Variants in FMO1 observed in about 807,000 individuals in gnomAD.
The protein encoded by FMO1 is flavin containing dimethylaniline monoxygenase 1.
FMO1 carries 36 observed loss-of-function variants against 45.4 expected under a neutral mutation model. The observed-to-expected ratio is 0.79, with a 90% CI of 0.61 to 1.05. The LOEUF (loss-of-function observed/expected upper bound fraction) is 1.05. Ranked by LOEUF, FMO1 falls within the 50% of genes least tolerant of loss-of-function variation. The pLI, the probability that FMO1 is intolerant of heterozygous loss-of-function variation, is 0.00. For missense variants in FMO1, 615 were observed against 640.3 expected (o/e 0.96, Z 0.43); for synonymous variants, 228 against 227.2 (o/e 1.00, Z -0.03).
chr1:171,249,538 G>A (rs1033482376), intron 1 of FMO1, among the ~76,000 whole-genome samples: 1 of 152,180 alleles, frequency 6.6e-6, no homozygotes, highest in African/African-American at 2.4e-5. Context: ...CAGGGGCTAA[G>A]TAGGCACCTT....
In FMO1 at chr1:171,279,279, T is replaced by C. The variant is rs150990384; in HGVS notation, c.627+408T>C. ...TCCATGCTACCTCACACTGAGGATA[T>C]TGCATTGTCCTCCTAATAATAGTTG... On this transcript the variant is annotated intron_variant, in intron 5 of 8. Coordinates refer to ENST00000617670, the MANE Select transcript of FMO1 (RefSeq NM_001282693.2). Among the ~76,000 whole-genome samples, 60 of 152,272 alleles carry C rather than the reference T, an allele frequency of 3.9e-4. No homozygotes were observed. The East Asian group carries it at 0.01, about 26-fold the overall frequency.
chr1:171,276,400 A>G (rs1661107761), intron 4 of FMO1, among the ~76,000 whole-genome samples: 1 of 152,214 alleles, frequency 6.6e-6, no homozygotes, highest in Non-Finnish European at 1.5e-5. Flanking sequence ...ATTATTTTTC[A>G]GCAATTCTGA....
chr1:171,267,809 G>C, intron 3 of FMO1, 78 bp downstream of exon 3: 1 of 1,146,936 alleles, frequency 8.7e-7, no homozygotes, highest in Non-Finnish European at 1.3e-6. Context: ...CTAGCCCTGG[G>C]CTCTGTAGAT....
At chr1:171,267,432 A>T in intron 2 of FMO1, 111 bp from the exon 3 acceptor site, 1 of 660,982 alleles carries the variant, frequency 1.5e-6, no homozygotes. Flanking sequence ...ATGTATTTCT[A>T]TATTCTCCTG....
chr1:171,285,218 T>C lies in FMO1; in HGVS notation c.1273T>C (p.Cys425Arg), dbSNP rs200900910. 6 of 1,606,130 alleles carry C rather than the reference T, an allele frequency of 3.7e-6. No individual in the cohort carries two copies. In the Admixed American group the frequency reaches 5.1e-5, roughly 14 times the overall value. Residue 425 changes from cysteine (C) to arginine (R), a missense_variant, in exon 9 of 9, where the codon TGC becomes CGC. Physicochemically the swap from Cys to Arg is radical, Grantham distance 180. Coordinates refer to ENST00000617670, the MANE Select transcript of FMO1 (RefSeq NM_001282693.2). ...TTTATAAAGGTTTGGCTTGTGCTAC[T>C]GCAAGGCTTTACAATCAGATTATAT... ...NKPSWFGLCY[C>R]KALQSDYITY...
chr1:171,265,492 G>C (rs1029649923), intron 2 of FMO1, among the ~76,000 whole-genome samples: 17 of 151,038 alleles, frequency 1.1e-4, no homozygotes, highest in African/African-American at 4.1e-4. Flanking sequence ...GAAATTTATA[G>C]AGTCAGAAAT....
chr1:171,281,076 A>C, intron 6 of FMO1, 91 bp downstream of exon 6: 7 of 969,778 alleles, frequency 7.2e-6, no homozygotes, highest in Non-Finnish European at 1.1e-5. Flanking sequence ...CCACAGCAAC[A>C]TGGCTGAATG....
Position 171,275,482 on chromosome 1 carries a change from C to T in FMO1, c.458C>T (p.Pro153Leu), listed in dbSNP as rs752956499. The part of the protein sequence containing the change: ...VMVCTGFLTN[P>L]YLPLDSFPGI... The stretch of plus-strand genomic sequence containing the variant: ...GTCTGCACTGGCTTTCTTACTAATC[C>T]TTATTTGCCACTGGATTCCTTTCCA... Residue 153 changes from proline (P) to leucine (L), a missense_variant, in exon 4 of 9, where the codon CCT (proline) becomes CTT (leucine). Pro to Leu is a moderately conservative substitution (Grantham distance 98). Transcript: ENST00000617670. 7 of 1,611,832 alleles carry T rather than the reference C, an allele frequency of 4.3e-6. No homozygotes were observed. Among genetic ancestry groups the T allele is most frequent in the East Asian group, 2.2e-5 (1 of 44,782 alleles).
chr1:171,271,145 C>A (rs1660845946), intron 3 of FMO1: 4 of 880,672 alleles, frequency 4.5e-6, no homozygotes, highest in Admixed American at 1.8e-5. Flanking sequence ...TTTAGCTTTG[C>A]AGCCTTCTTT....
chr1:171,273,892 G>A lies in FMO1; in HGVS notation c.322-1454G>A, dbSNP rs567792202. Among the ~76,000 whole-genome samples, 3 of 152,252 alleles carry A rather than the reference G, an allele frequency of 2.0e-5. No homozygotes were observed. The South Asian group carries it at 6.2e-4, about 32-fold the overall frequency. On this transcript the variant is annotated intron_variant, in intron 3 of 8. Coordinates refer to ENST00000617670, the MANE Select transcript of FMO1 (RefSeq NM_001282693.2). ...TTAAAAAGTAAACACAAGGCCAGGT[G>A]CAGTGGCCCACACCTGTAATCCCAG...
At chr1:171,275,204 C>A in intron 3 of FMO1, 142 bp from the exon 4 acceptor site, 1 of 591,186 alleles carries the variant, frequency 1.7e-6, no homozygotes, top group Non-Finnish European at 2.8e-6. Flanking sequence ...AGTCCGGTAA[C>A]CTGATTAGGT....
chr1:171,264,508 A>T (rs1660523307), intron 2 of FMO1, among the ~76,000 whole-genome samples: 2 of 152,144 alleles, frequency 1.3e-5, no homozygotes, highest in South Asian at 4.1e-4. Context: ...TTTATGTGGC[A>T]TCTATACATC....
In FMO1 at chr1:171,280,848, A is replaced by C. The variant is rs144176824; in HGVS notation, c.690A>C (p.Pro230=). The C allele has an allele frequency of 1.2e-6, 2 of 1,613,898 alleles. No individual in the cohort carries two copies. Among genetic ancestry groups the C allele is most frequent in the Admixed American group, 3.3e-5 (2 of 60,002 alleles). The part of the protein sequence containing the change: ...VISRIFDSGY[P]WDMVFMTRFQ... Reference sequence around the variant, plus strand: ...GCCGAATCTTTGACTCGGGCTACCCATGGGACATGGTGTTCATGACACGCT... The same window carrying C: ...GCCGAATCTTTGACTCGGGCTACCCCTGGGACATGGTGTTCATGACACGCT... The change falls in exon 6 of 9, where the codon CCA becomes CCC. Residue 230 remains proline (P), a synonymous_variant. Transcript: ENST00000617670.
At chr1:171,253,157 T>G (rs1379072626) in intron 1 of FMO1, among the ~76,000 whole-genome samples, 1 of 152,186 alleles carries the variant, frequency 6.6e-6, no homozygotes, top group Non-Finnish European at 1.5e-5. Flanking sequence ...CTTTGTGTCC[T>G]TTTTTCTTTC....
intron 3 of FMO1, among the ~76,000 whole-genome samples, chr1:171,271,877 T>G: frequency 6.6e-6 from 1 of 152,228 alleles, no homozygotes; most frequent in East Asian, 1.9e-4. Context: ...GACAATGCAA[T>G]AGAAAAGAAA....
chr1:171,267,454 G>A (rs1660662927), intron 2 of FMO1, 89 bp from the exon 3 acceptor site: 2 of 810,988 alleles, frequency 2.5e-6, no homozygotes, highest in Non-Finnish European at 3.9e-6. Flanking sequence ...GCTTGGCAAT[G>A]ATACTGTGTG....
At chr1:171,260,987 T>C (rs1389997082) in intron 2 of FMO1, among the ~76,000 whole-genome samples, 2 of 145,582 alleles carry the variant, frequency 1.4e-5, no homozygotes, top group Non-Finnish European at 3.0e-5. Flanking sequence ...AAGAGGAATA[T>C]CAAGCAGTAG....
In FMO1 at chr1:171,285,161, T is replaced by A. The variant is rs758086355; in HGVS notation, c.1257-41T>A. ...TGTACTTGTTCTAAGATTATCAGTT[T>A]TTTTGTCTTCACCTTTTCCCCCAAT... On this transcript the variant is annotated intron_variant, in intron 8 of 8. Coordinates refer to ENST00000617670, the MANE Select transcript of FMO1 (RefSeq NM_001282693.2). The A allele has an allele frequency of 1.5e-5, 20 of 1,357,900 alleles. No homozygotes were observed. In the South Asian group the frequency reaches 2.7e-4, roughly 19 times the overall value. 84.1% of individuals were successfully genotyped at this position (1,357,900 alleles called of 1,614,324 possible). A position where few individuals can be genotyped will look rare whatever the true frequency, so the allele number is the denominator to read the frequency against.
intron 4 of FMO1, 117 bp downstream of exon 4, chr1:171,275,625 G>A (rs975691698): frequency 8.6e-6 from 6 of 700,382 alleles, no homozygotes; most frequent in African/African-American, 5.5e-5. Flanking sequence ...TTGGGAGGTA[G>A]GAGGAGGCTT....
Sources: allele counts gnomAD v4.1 joint callset (sites outside exome capture counted in the v4.1 genomes callset), GRCh38; gene constraint gnomAD v4.1.1; transcripts MANE v1.5; gene names NCBI Gene and HGNC (gene_info 2026-07-23, HGNC 2026-07-21).